ARHGAP29: variants seen among roughly 807,000 people sequenced by gnomAD.
ARHGAP29 encodes the protein Rho GTPase activating protein 29, also known as rho GTPase-activating protein 29.
A neutral mutation model predicts 122.6 loss-of-function variants in ARHGAP29; 43 were observed. The ratio of observed to expected loss-of-function variants is 0.35; its 90% CI spans 0.27 to 0.45. The LOEUF (loss-of-function observed/expected upper bound fraction) is 0.45. ARHGAP29 is among the 20% of genes least tolerant of loss of function. The pLI is 1.00. For synonymous variants in ARHGAP29, 506 were observed against 497.1 expected (o/e 1.02, Z -0.24); for missense variants, 1,303 against 1,477.2 (o/e 0.88, Z 1.93).
intron 1 of ARHGAP29, among the ~76,000 whole-genome samples, chr1:94,263,969 A>G: frequency 6.6e-6 from 1 of 152,208 alleles, no homozygotes; most frequent in Non-Finnish European, 1.5e-5. Context: ...CTTTGGGTAT[A>G]AGTAACACAG....
intron 5 of ARHGAP29, among the ~76,000 whole-genome samples, chr1:94,206,322 CATCATTT>C (rs1338434922): frequency 6.6e-6 from 1 of 152,112 alleles, no homozygotes; most frequent in East Asian, 1.9e-4. Context: ...TGCTGGAAAA[CATCATTT>C]ACCAAAATTT....
At chr1:94,238,057 T>TA (rs1467889846), upstream of ARHGAP29, among the ~76,000 whole-genome samples, 10 of 132,004 alleles carry the variant, frequency 7.6e-5, no homozygotes, top group Non-Finnish European at 1.1e-4. Context: ...ATCTGTATTT[T>TA]TTTTTTTTTT....
In ARHGAP29 at chr1:94,169,156, C is replaced by G. The variant is rs1158971937; in HGVS notation, c.*4713G>C. 1.3e-5 allele frequency among the ~76,000 whole-genome samples: 2 copies of G among 152,160 alleles called. No homozygotes were observed. The highest frequency in any genetic ancestry group is 4.8e-5 in the African/African-American group (2 of 41,418). ...GTATAATCGTACACTTTTAAACTTT[C>G]TCTGATAAATTCAGTGAGTATTCAA... On this transcript the variant is annotated 3_prime_UTR_variant, in exon 23 of 23. Coordinates refer to ENST00000260526, the MANE Select transcript of ARHGAP29 (RefSeq NM_004815.4).
intron 2 of ARHGAP29, among the ~76,000 whole-genome samples, chr1:94,227,121 A>G (rs1201194457): frequency 8.8e-6 from 1 of 113,708 alleles, no homozygotes; most frequent in Non-Finnish European, 2.2e-5. Flanking sequence ...ATGGTATTAA[A>G]CTTTTCATTT....
chr1:94,209,953 A>C (rs1651480572), intron 3 of ARHGAP29, among the ~76,000 whole-genome samples: 1 of 152,146 alleles, frequency 6.6e-6, no homozygotes, highest in African/African-American at 2.4e-5. Flanking sequence ...TTGGGCTCTG[A>C]GGTCCATGTT....
At chr1:94,277,537 G>A (rs1025488751), upstream of ARHGAP29, among the ~76,000 whole-genome samples, 1 of 151,942 alleles carries the variant, frequency 6.6e-6, no homozygotes, top group Non-Finnish European at 1.5e-5. Flanking sequence ...TATTATGAAA[G>A]TTACTTTTTG....
chr1:94,203,036 AT>A, intron 9 of ARHGAP29, 38 bp from the exon 10 acceptor site: 2 of 1,596,430 alleles, frequency 1.3e-6, no homozygotes, highest in Non-Finnish European at 1.7e-6. Context: ...GAGAAAAGCA[AT>A]TTTCTAATGG....
chr1:94,242,698 C>T (rs972631423), intron 1 of ARHGAP29, among the ~76,000 whole-genome samples: 1 of 149,820 alleles, frequency 6.7e-6, no homozygotes, highest in African/African-American at 2.4e-5. Context: ...AAGTAACAGA[C>T]TTAAACCCAA....
At chr1:94,288,123 AG>A in the ARHGAP29 span, among the ~76,000 whole-genome samples, 1 of 152,204 alleles carries the variant, frequency 6.6e-6, no homozygotes, top group Admixed American at 6.5e-5. Flanking sequence ...ACAGTGTAAA[AG>A]CATTTCTATT....
intron 12 of ARHGAP29, among the ~76,000 whole-genome samples, chr1:94,196,092 T>C (rs901969515): frequency 1.3e-5 from 2 of 152,038 alleles, no homozygotes; most frequent in African/African-American, 4.8e-5. Flanking sequence ...TCATCAAGAA[T>C]ACAGAAGAAA....
At chr1:94,208,721 A>G (rs1319605809) in intron 5 of ARHGAP29, 111 bp downstream of exon 5, 1 of 1,030,204 alleles carries the variant, frequency 9.7e-7, no homozygotes, top group East Asian at 2.7e-5. Flanking sequence ...CGGCCTCCCA[A>G]AGTGCTGGGA....
At chr1:94,219,817 T>A (rs995675891) in intron 3 of ARHGAP29, among the ~76,000 whole-genome samples, 1 of 152,220 alleles carries the variant, frequency 6.6e-6, no homozygotes, top group Non-Finnish European at 1.5e-5. Flanking sequence ...TTTTACAATT[T>A]TAATTTCATT....
chr1:94,278,375 G>A (rs997845884), upstream of ARHGAP29, among the ~76,000 whole-genome samples: 1 of 151,984 alleles, frequency 6.6e-6, no homozygotes, highest in Non-Finnish European at 1.5e-5. Flanking sequence ...CTCTTTCAAG[G>A]AATATTTCTG....
chr1:94,179,701 G>A lies in ARHGAP29; in HGVS notation c.2480+24C>T, dbSNP rs781299722. On this transcript the variant is annotated intron_variant, in intron 20 of 22. Coordinates refer to ENST00000260526, the MANE Select transcript of ARHGAP29 (RefSeq NM_004815.4). Reference sequence around the variant, plus strand: ...ACAAATCAATTGCCCATTAATAAATGTTCTAGTTATATAAAATTCTTACCG... The same window carrying A: ...ACAAATCAATTGCCCATTAATAAATATTCTAGTTATATAAAATTCTTACCG... The A allele has an allele frequency of 3.5e-6, 5 of 1,443,294 alleles. No homozygotes were observed. In the South Asian group the frequency reaches 4.9e-5, roughly 14 times the overall value. The allele number at this position is 1,443,294 out of a possible 1,614,324, so 89.4% of individuals were successfully genotyped here. A position where few individuals can be genotyped will look rare whatever the true frequency, so the allele number is the denominator to read the frequency against.
At chr1:94,296,718 G>C in the ARHGAP29 span, among the ~76,000 whole-genome samples, 2 of 152,146 alleles carry the variant, frequency 1.3e-5, no homozygotes, top group African/African-American at 2.4e-5. Flanking sequence ...GAGCTGGGTA[G>C]AGAAGGATGC....
chr1:94,247,798 T>A, intron 1 of ARHGAP29: 1 of 334,638 alleles, frequency 3.0e-6, no homozygotes, highest in Non-Finnish European at 4.3e-6. Flanking sequence ...CCCAGCCCAT[T>A]GGCCTGGCCC....
intron 16 of ARHGAP29, 73 bp downstream of exon 16, chr1:94,186,426 C>G: frequency 1.9e-6 from 2 of 1,040,280 alleles, no homozygotes; most frequent in East Asian, 5.1e-5. Context: ...TAAAATTATA[C>G]TATTTATCTA....
At chr1:94,223,259 A>G (rs1652425182) in intron 2 of ARHGAP29, among the ~76,000 whole-genome samples, 1 of 152,058 alleles carries the variant, frequency 6.6e-6, no homozygotes. Flanking sequence ...TATCTTTTTT[A>G]TAACTGGTAA....
chr1:94,285,341 A>T, the ARHGAP29 span, among the ~76,000 whole-genome samples: 4 of 145,534 alleles, frequency 2.7e-5, no homozygotes, highest in Non-Finnish European at 6.1e-5. Flanking sequence ...GATACAGGTT[A>T]AAAAAAAAAA....
Sources: allele counts gnomAD v4.1 joint callset (sites outside exome capture counted in the v4.1 genomes callset), GRCh38; gene constraint gnomAD v4.1.1; transcripts MANE v1.5; gene names NCBI Gene and HGNC (gene_info 2026-07-23, HGNC 2026-07-21).